Variants in KCNJ18 observed in about 807,000 individuals in gnomAD.
KCNJ18 encodes the protein inward rectifier potassium channel 18.
KCNJ18 carries 16 observed loss-of-function variants against 17.3 expected under a neutral mutation model. The ratio of observed to expected loss-of-function variants is 0.92; its 90% CI spans 0.62 to 1.40. The LOEUF is 1.40. KCNJ18 is among the 40% of genes most tolerant of loss of function. The pLI, the probability that KCNJ18 is intolerant of heterozygous loss-of-function variation, is 0.00. For missense variants in KCNJ18, 462 were observed against 626.8 expected, an observed-to-expected ratio of 0.74 and a Z score of 2.81; for synonymous variants, 185 against 262.6, an observed-to-expected ratio of 0.70 and a Z score of 2.86.
Position 21,703,070 on chromosome 17 carries a change from G to C in KCNJ18, c.284G>C (p.Trp95Ser). The change falls in exon 3 of 3, where the codon TGG (tryptophan) becomes TCG (serine). Residue 95 changes from tryptophan (W) to serine (S), a missense_variant. By Grantham distance (177) the Trp-to-Ser change is radical. This residue lies in a region of KCNJ18 where 237 missense variants were observed against 259.4 expected (regional missense o/e 0.91). Coordinates refer to ENST00000567955, the MANE Select transcript of KCNJ18 (RefSeq NM_001194958.2). ...LIFSLAFLAS[W>S]LLFGVIFWVI... ...TTCTCGCTGGCCTTCCTTGCCTCCT[G>C]GCTGCTGTTCGGCGTCATCTTCTGG... 2 of 1,613,166 alleles carry C rather than the reference G, an allele frequency of 1.2e-6. No individual in the cohort carries two copies.
rs1905748213 is a variant in KCNJ18, at chr17:21,695,971, T to C, written c.-178-12T>C. ...CGCCTGCAGTAACTTGGCTTTACTC[T>C]TTTAACTTTAGGATGTTCTAGTGAC... On this transcript the variant is annotated splice_polypyrimidine_tract_variant and intron_variant, in intron 1 of 2. Coordinates refer to ENST00000567955, the MANE Select transcript of KCNJ18 (RefSeq NM_001194958.2). 1 of 152,416 alleles carries C rather than the reference T, an allele frequency of 6.6e-6. No homozygotes were observed. 9.4% of individuals were successfully genotyped at this position (152,416 alleles called of 1,614,324 possible).
chr17:21,702,130 C>T (rs1263465119), intron 2 of KCNJ18, among the ~76,000 whole-genome samples: 21 of 152,130 alleles, frequency 1.4e-4, no homozygotes, highest in South Asian at 1.0e-3. Flanking sequence ...GCCAAGGTGG[C>T]GAGGCAGTGG....
At chr17:21,694,632 C>T (rs1905700528) in intron 1 of KCNJ18, among the ~76,000 whole-genome samples, 1 of 151,680 alleles carries the variant, frequency 6.6e-6, no homozygotes, top group African/African-American at 2.4e-5. Context: ...ACCCATCCAT[C>T]TATCCATCTA....
chr17:21,702,085 C>T (rs1319634575), intron 2 of KCNJ18, among the ~76,000 whole-genome samples: 2 of 152,236 alleles, frequency 1.3e-5, no homozygotes, highest in African/African-American at 4.8e-5. Flanking sequence ...AGGGATGGGA[C>T]ATGGGTCTTC....
chr17:21,697,189 T>G (rs1267364429), intron 2 of KCNJ18, among the ~76,000 whole-genome samples: 1 of 152,308 alleles, frequency 6.6e-6, no homozygotes, highest in Admixed American at 6.5e-5. Context: ...CACTGGTTCG[T>G]GTAGGAATTG....
Position 21,702,986 on chromosome 17 carries a change from A to G in KCNJ18, c.200A>G (p.Tyr67Cys). 6.2e-7 allele frequency: 1 copy of G among 1,607,124 alleles called. No individual in the cohort carries two copies. Among genetic ancestry groups the G allele is most frequent in the Non-Finnish European group, 8.5e-7 (1 of 1,177,704 alleles). Residue 67 changes from tyrosine (Y) to cysteine (C), a missense_variant, in exon 3 of 3, where the codon TAC becomes TGC. Physicochemically the swap from Tyr to Cys is radical, Grantham distance 194. Around this residue, in one of 5 missense-constraint regions of KCNJ18, gnomAD observed 237 missense variants for 259.4 expected, o/e 0.91. Transcript: ENST00000567955. ...FANMDEKSQR[Y>C]LADMFTTCVD... ...AACATGGACGAGAAGTCACAGCGCT[A>G]CCTGGCTGACATGTTCACCACCTGT...
At chr17:21,692,905 C>T (rs1289688131) in intron 1 of KCNJ18, among the ~76,000 whole-genome samples, 191 bp downstream of exon 1, 19 of 152,412 alleles carry the variant, frequency 1.2e-4, no homozygotes, top group Admixed American at 3.3e-4. Flanking sequence ...GCCTGGCAGG[C>T]GACACCAGCC....
chr17:21,702,459 A>T, intron 2 of KCNJ18, among the ~76,000 whole-genome samples: 2 of 152,076 alleles, frequency 1.3e-5, no homozygotes, highest in South Asian at 4.2e-4. Context: ...AGGGTGGGAG[A>T]AGGGGTCGGA....
Position 21,696,525 on chromosome 17 carries a change from T to A in KCNJ18, c.-57+421T>A, listed in dbSNP as rs1180812811. Among the ~76,000 whole-genome samples the A allele has an allele frequency of 2.0e-5, 3 of 152,350 alleles. No individual in the cohort carries two copies. The East Asian group carries it at 5.8e-4, about 29-fold the overall frequency. On this transcript the variant is annotated intron_variant, in intron 2 of 2. Transcript: ENST00000567955. ...GCTGCTTAGTCCTTCACCCTTCATCTGGCTGGGATGCATTTCCTGGGTGCC... is the reference window on the plus strand; with the variant it reads ...GCTGCTTAGTCCTTCACCCTTCATCAGGCTGGGATGCATTTCCTGGGTGCC...
chr17:21,698,575 T>G lies in KCNJ18; in HGVS notation c.-57+2471T>G, dbSNP rs1167918954. ...AGTGCTTTCTTGGTGTCTGGGAATG[T>G]GGGTCCAGGCCTTGCCCTGGGCTCC... On this transcript the variant is annotated intron_variant, in intron 2 of 2. Transcript: ENST00000567955. Among the ~76,000 whole-genome samples the G allele has an allele frequency of 7.2e-5, 11 of 152,194 alleles. No individual in the cohort carries two copies. In the East Asian group the frequency reaches 2.1e-3, roughly 29 times the overall value.
At position 21,702,908 on chromosome 17, in the gene KCNJ18, G is replaced by A. The variant is rs1469441123; in HGVS notation, c.122G>A (p.Arg41Lys). Residue 41 changes from arginine to lysine, a missense_variant, in exon 3 of 3, where the codon AGG becomes AAG. Around this residue, in one of 5 missense-constraint regions of KCNJ18, gnomAD observed 237 missense variants for 259.4 expected, o/e 0.91. Coordinates refer to ENST00000567955, the MANE Select transcript of KCNJ18 (RefSeq NM_001194958.2). Reference protein sequence around the residue: ...FGNGKVHTRRRCRNRFVKKNG... With the variant: ...FGNGKVHTRRKCRNRFVKKNG... ...AACGGCAAGGTGCACACGCGGCGCA[G>A]GTGCCGCAACCGCTTCGTCAAGAAG... 1.9e-6 allele frequency: 3 copies of A among 1,594,982 alleles called. No individual in the cohort carries two copies. Among genetic ancestry groups the A allele is most frequent in the Non-Finnish European group, 2.6e-6 (3 of 1,174,192 alleles).
In KCNJ18 at chr17:21,699,026, C is replaced by A; in HGVS notation, c.-57+2922C>A. Among the ~76,000 whole-genome samples, 2 of 152,282 alleles carry A rather than the reference C, an allele frequency of 1.3e-5. 1 individual carries two copies. Among genetic ancestry groups the A allele is most frequent in the South Asian group, 4.1e-4 (2 of 4,828 alleles). ...GGCCAACCCCGGTGTCTGTGGAAAA[C>A]GGTCCTAACTTTAGTAGTGAGCACC... On this transcript the variant is annotated intron_variant, in intron 2 of 2. Coordinates refer to ENST00000567955, the MANE Select transcript of KCNJ18 (RefSeq NM_001194958.2).
intron 1 of KCNJ18, among the ~76,000 whole-genome samples, chr17:21,694,445 C>G (rs1905694124): frequency 6.6e-6 from 1 of 152,108 alleles, no homozygotes; most frequent in Non-Finnish European, 1.5e-5. Flanking sequence ...AAATCTCTGG[C>G]AAATTACTGA....
chr17:21,700,016 G>A (rs1407500351), intron 2 of KCNJ18, among the ~76,000 whole-genome samples: 1 of 152,292 alleles, frequency 6.6e-6, no homozygotes, highest in African/African-American at 2.4e-5. Flanking sequence ...CGGCGTCTGA[G>A]TGCCCCGGCC....
intron 2 of KCNJ18, among the ~76,000 whole-genome samples, chr17:21,697,224 G>A (rs1172436169): frequency 1.2e-4 from 19 of 152,308 alleles, no homozygotes; most frequent in African/African-American, 4.6e-4. Flanking sequence ...GAGGTGGTAA[G>A]GGCCTAGGAT....
chr17:21,697,649 G>A (rs1315052362), intron 2 of KCNJ18, among the ~76,000 whole-genome samples: 1 of 152,310 alleles, frequency 6.6e-6, no homozygotes, highest in Non-Finnish European at 1.5e-5. Context: ...TAGCCTTGAT[G>A]TGGTCCTACA....
chr17:21,695,749 G>A (rs1597754617), intron 1 of KCNJ18, among the ~76,000 whole-genome samples: 2 of 152,312 alleles, frequency 1.3e-5, no homozygotes, highest in East Asian at 3.8e-4. Flanking sequence ...ATAATTGTCA[G>A]CGGTCATTTT....
At chr17:21,693,497 C>G in intron 1 of KCNJ18, among the ~76,000 whole-genome samples, 1 of 152,308 alleles carries the variant, frequency 6.6e-6, no homozygotes, top group Non-Finnish European at 1.5e-5. Context: ...CCCCATGGCC[C>G]TGTGGCAATA....
At chr17:21,698,041 C>A (rs1905821342) in intron 2 of KCNJ18, among the ~76,000 whole-genome samples, 1 of 152,028 alleles carries the variant, frequency 6.6e-6, no homozygotes, top group Non-Finnish European at 1.5e-5. Flanking sequence ...GGGTGAGTGG[C>A]TGTGGGTTGG....
Sources: gnomAD v4.1 joint callset for allele counts (sites outside exome capture counted in the v4.1 genomes callset) on GRCh38, gnomAD v4.1.1 for gene constraint, gnomAD v4.1.1 regional missense constraint, MANE v1.5 for transcripts, NCBI Gene and HGNC (gene_info 2026-07-23, HGNC 2026-07-21) for gene names.